The following WDR45B variants were observed in gnomAD, a reference collection of about 807,000 sequenced individuals.
WDR45B encodes WD repeat domain phosphoinositide-interacting protein 3.
A neutral mutation model predicts 44.6 loss-of-function variants in WDR45B; 20 were observed. The ratio of observed to expected loss-of-function variants is 0.45; its 90% confidence interval spans 0.32 to 0.65. WDR45B has a LOEUF of 0.65. Ranked by LOEUF, WDR45B falls within the 30% of genes least tolerant of loss-of-function variation. The pLI, the probability that WDR45B is intolerant of heterozygous loss-of-function variation, is 0.05. For synonymous variants in WDR45B, 169 were observed against 164.9 expected (o/e 1.02, Z -0.19); for missense variants, 323 against 430.2 (o/e 0.75, Z 2.20).
intron 2 of WDR45B, among the ~76,000 whole-genome samples, chr17:82,632,046 A>G (rs1242450618): frequency 6.6e-6 from 1 of 152,018 alleles, no homozygotes; most frequent in Non-Finnish European, 1.5e-5. Flanking sequence ...ACACCACTGC[A>G]CTCCAGCCTG....
At chr17:82,630,807 G>A in intron 3 of WDR45B, 114 bp downstream of exon 3, 1 of 1,065,916 alleles carries the variant, frequency 9.4e-7, no homozygotes. Context: ...ACCAGTCCTG[G>A]ATATTTCACA....
intron 6 of WDR45B, among the ~76,000 whole-genome samples, chr17:82,620,457 A>G (rs1483295013): frequency 1.3e-5 from 2 of 152,026 alleles, no homozygotes; most frequent in Non-Finnish European, 2.9e-5. Flanking sequence ...AACAAAACAA[A>G]AACTACCTAG....
chr17:82,641,588 G>A (rs77037677), intron 2 of WDR45B, among the ~76,000 whole-genome samples: 9,058 of 152,230 alleles, frequency 0.06, 363 homozygotes, highest in Middle Eastern at 0.15. Context: ...CAGATACTAT[G>A]AAGCTTCCTT....
chr17:82,639,950 G>A (rs1555651000), intron 2 of WDR45B, among the ~76,000 whole-genome samples: 5 of 151,910 alleles, frequency 3.3e-5, no homozygotes, highest in Admixed American at 3.3e-4. Context: ...TGTCGGGTCA[G>A]GTGGGCTGCT....
At chr17:82,623,255 C>T (rs1007024218) in intron 5 of WDR45B, among the ~76,000 whole-genome samples, 4 of 151,278 alleles carry the variant, frequency 2.6e-5, no homozygotes, top group Admixed American at 2.0e-4. Context: ...GGCGTGGTGG[C>T]GGGTGCCTGT....
rs1403169994 is a variant in WDR45B at position 82,615,750 on chromosome 17, T to C, written c.*169A>G. ...GCCTTGATGATGATTCTCTCTTTAA[T>C]ACTGGAAATGGGAGTCCTTAGGAAA... On this transcript the variant is annotated 3_prime_UTR_variant, in exon 10 of 10. Coordinates refer to ENST00000392325, the MANE Select transcript of WDR45B (RefSeq NM_019613.4). 3.0e-6 allele frequency: 2 copies of C among 665,282 alleles called. No individual in the cohort carries two copies. The highest frequency in any genetic ancestry group is 5.4e-6 in the Non-Finnish European group (2 of 372,484). 41.2% of individuals were successfully genotyped at this position (665,282 alleles called of 1,614,324 possible). A position where few individuals can be genotyped will look rare whatever the true frequency, so the allele number is the denominator to read the frequency against.
chr17:82,616,036 A>T lies in WDR45B; in HGVS notation c.929-11T>A. On this transcript the variant is annotated splice_polypyrimidine_tract_variant and intron_variant, in intron 9 of 9. Transcript: ENST00000392325. ...CGTCTGCACAAATTGCTGGGATAGA[A>T]GGAGACCATTTTACCTGTGTGTTTC... 6.2e-7 allele frequency: 1 copy of T among 1,611,530 alleles called. No homozygotes were observed. The highest frequency in any genetic ancestry group is 8.5e-7 in the Non-Finnish European group (1 of 1,178,026).
At chr17:82,616,427 C>T (rs2045536198) in intron 9 of WDR45B, 97 bp downstream of exon 9, 7 of 1,594,300 alleles carry the variant, frequency 4.4e-6, no homozygotes, top group Admixed American at 3.3e-5. Context: ...TGCCACAGCG[C>T]GGTGCTGGGA....
intron 8 of WDR45B, 59 bp from the exon 9 acceptor site, chr17:82,616,704 G>C (rs552732073): frequency 1.2e-6 from 2 of 1,608,204 alleles, no homozygotes; most frequent in Non-Finnish European, 1.7e-6. Context: ...AATCACCTGC[G>C]TAAGCTCAGA....
chr17:82,647,000 G>A (rs1271049835), intron 1 of WDR45B, among the ~76,000 whole-genome samples: 1 of 152,178 alleles, frequency 6.6e-6, no homozygotes, highest in East Asian at 1.9e-4. Context: ...GGGAGGCCGA[G>A]GCGGGTGGAT....
In WDR45B at chr17:82,643,998, A is replaced by G. The variant is rs1446197545; in HGVS notation, c.93T>C (p.Asn31=). 2 of 1,614,012 alleles carry G rather than the reference A, an allele frequency of 1.2e-6. No individual in the cohort carries two copies. Among genetic ancestry groups the G allele is most frequent in the Admixed American group, 1.7e-5 (1 of 59,996 alleles). The change falls in exon 2 of 10, where the codon AAT becomes AAC. Residue 31 remains asparagine, a synonymous_variant. Transcript: ENST00000392325. ...DHGCFACGME[N]GFRVYNTDPL... ...GATCAGTGTTATAGACTCGGAATCCATTTTCCATCCCACACGCAAAGCATC... is the reference window on the plus strand; with the variant it reads ...GATCAGTGTTATAGACTCGGAATCCGTTTTCCATCCCACACGCAAAGCATC...
intron 2 of WDR45B, among the ~76,000 whole-genome samples, chr17:82,638,855 G>A (rs770621401): frequency 2.2e-4 from 34 of 151,890 alleles, no homozygotes; most frequent in Non-Finnish European, 4.0e-4. Flanking sequence ...ACAGAGTCTC[G>A]CTCTGTCACC....
chr17:82,644,031 A>C lies in WDR45B; in HGVS notation c.68-8T>G. 1 of 1,614,066 alleles carries C rather than the reference A, an allele frequency of 6.2e-7. No homozygotes were observed. The highest frequency in any genetic ancestry group is 1.7e-5 in the Admixed American group (1 of 60,026). On this transcript the variant is annotated splice_region_variant and splice_polypyrimidine_tract_variant and intron_variant, in intron 1 of 9. Coordinates refer to ENST00000392325, the MANE Select transcript of WDR45B (RefSeq NM_019613.4). Reference sequence around the variant, plus strand: ...TCCCACACGCAAAGCATCCTAAAGCAGAAGTGTAAAAGAGACATTAATCCC... The same window carrying C: ...TCCCACACGCAAAGCATCCTAAAGCCGAAGTGTAAAAGAGACATTAATCCC...
At chr17:82,626,290 C>T (rs931639205) in intron 4 of WDR45B, among the ~76,000 whole-genome samples, 2 of 151,472 alleles carry the variant, frequency 1.3e-5, no homozygotes, top group Non-Finnish European at 2.9e-5. Flanking sequence ...GTAATCCCAG[C>T]ACTTTGGGAG....
At chr17:82,620,643 C>A (rs1028741025) in intron 6 of WDR45B, among the ~76,000 whole-genome samples, 1 of 152,126 alleles carries the variant, frequency 6.6e-6, no homozygotes, top group African/African-American at 2.4e-5. Flanking sequence ...CACCGGCTTG[C>A]GGTCTCACCT....
chr17:82,644,101 C>G (rs1179450209), intron 1 of WDR45B, 78 bp from the exon 2 acceptor site: 29 of 1,362,486 alleles, frequency 2.1e-5, no homozygotes, highest in Non-Finnish European at 2.9e-5. Flanking sequence ...GAAATGACAA[C>G]TACTGAGAAC....
At chr17:82,631,230 A>G (rs1469351352) in intron 2 of WDR45B, among the ~76,000 whole-genome samples, 3 of 151,292 alleles carry the variant, frequency 2.0e-5, no homozygotes, top group Non-Finnish European at 4.4e-5. Context: ...CTGGGCTCAC[A>G]TGATCCTCCT....
In WDR45B at chr17:82,615,965, C is replaced by G; in HGVS notation, c.989G>C (p.Arg330Pro). The change falls in exon 10 of 10, where the codon CGA (arginine) becomes CCA (proline). Residue 330 changes from arginine (R) to proline (P), a missense_variant. Transcript: ENST00000392325. ...FLFNPKGECI[R>P]DVYAQFLEMT... The stretch of plus-strand genomic sequence containing the variant: ...CTCTAGAAACTGCGCGTAGACATCT[C>G]GGATGCACTCCCCCTTGGGGTTGAA... The G allele has an allele frequency of 1.1e-5, 17 of 1,613,826 alleles. No individual in the cohort carries two copies. The highest frequency in any genetic ancestry group is 1.4e-5 in the Non-Finnish European group (17 of 1,179,956).
Position 82,619,051 on chromosome 17 carries a change from A to G in WDR45B, c.696T>C (p.Asn232=). ...GTTGGAGGTGCCCTTACCAGTAAAT[A>G]TTGGCTGCTTGAGATCCTCTTCGCA... ...QELRRGSQAA[N]IYCINFNQDA... Residue 232 remains asparagine, a synonymous_variant, in exon 7 of 10, where the codon AAT becomes AAC. Coordinates refer to ENST00000392325, the MANE Select transcript of WDR45B (RefSeq NM_019613.4). The G allele has an allele frequency of 6.2e-7, 1 of 1,614,094 alleles. No individual in the cohort carries two copies. Among genetic ancestry groups the G allele is most frequent in the Non-Finnish European group, 8.5e-7 (1 of 1,179,998 alleles).
Sources: gnomAD v4.1 joint callset for allele counts (sites outside exome capture counted in the v4.1 genomes callset) on GRCh38, gnomAD v4.1.1 for gene constraint, MANE v1.5 for transcripts, NCBI Gene and HGNC (gene_info 2026-07-23, HGNC 2026-07-21) for gene names.